The following IREB2 variants were observed in gnomAD, a reference collection of about 807,000 sequenced individuals.
The protein encoded by IREB2 is iron-responsive element-binding protein 2.
In IREB2, 39 loss-of-function variants were observed where a neutral mutation model predicts 118.8. The observed-to-expected ratio is 0.33, with a 90% CI of 0.25 to 0.43. The LOEUF (loss-of-function observed/expected upper bound fraction) is 0.43. Among genes scored for constraint, IREB2 ranks in the 20% least tolerant of loss-of-function variants. The probability of loss-of-function intolerance (pLI) is 1.00; values close to 1 mark genes in which losing one functional copy is unlikely to be tolerated. For synonymous variants in IREB2, 372 were observed against 392.2 expected, an observed-to-expected ratio of 0.95 and a Z score of 0.61; for missense variants, 900 against 1,147.3, an observed-to-expected ratio of 0.78 and a Z score of 3.11.
chr15:78,479,489 G>C (rs1596006672), intron 10 of IREB2, among the ~76,000 whole-genome samples: 1 of 148,398 alleles, frequency 6.7e-6, no homozygotes, highest in African/African-American at 2.5e-5. Flanking sequence ...CTCCTGCCTT[G>C]GCCTCTCAAA....
intron 18 of IREB2, among the ~76,000 whole-genome samples, chr15:78,491,955 A>T (rs961138584): frequency 1.3e-5 from 2 of 152,190 alleles, no homozygotes; most frequent in Admixed American, 6.5e-5. Context: ...AACAGTCAAC[A>T]CTTCTCTCAA....
chr15:78,482,748 CA>C (rs1271387366), intron 10 of IREB2, among the ~76,000 whole-genome samples: 1 of 145,782 alleles, frequency 6.9e-6, no homozygotes, highest in Admixed American at 7.3e-5. Context: ...CTTGGGAAAC[CA>C]GGTTTTTTTT....
At chr15:78,496,176 C>T (rs1401278294) in intron 20 of IREB2, among the ~76,000 whole-genome samples, 1 of 152,232 alleles carries the variant, frequency 6.6e-6, no homozygotes, top group Non-Finnish European at 1.5e-5. Flanking sequence ...TTCTAAATCA[C>T]TTACCTATCT....
chr15:78,492,980 A>G (rs2051776736), intron 18 of IREB2, among the ~76,000 whole-genome samples: 1 of 152,202 alleles, frequency 6.6e-6, no homozygotes, highest in Non-Finnish European at 1.5e-5. Context: ...ATCACTGGTA[A>G]CATTCCAGGA....
chr15:78,458,221 A>G (rs1303660322), intron 2 of IREB2, among the ~76,000 whole-genome samples: 1 of 152,196 alleles, frequency 6.6e-6, no homozygotes, highest in Non-Finnish European at 1.5e-5. Context: ...TTTGTGTGTG[A>G]AAAATTTCAA....
At chr15:78,488,503 A>G (rs2141519602) in intron 15 of IREB2, 144 bp from the exon 16 acceptor site, 1 of 957,768 alleles carries the variant, frequency 1.0e-6, no homozygotes, top group Non-Finnish European at 1.5e-6. Flanking sequence ...AATAAAATGT[A>G]CAGGTAATTA....
Position 78,439,863 on chromosome 15 carries a change from A to G in IREB2, c.88A>G (p.Lys30Glu). Residue 30 changes from lysine to glutamate, a missense_variant, in exon 2 of 22, where the codon AAA becomes GAA. Coordinates refer to ENST00000258886, the MANE Select transcript of IREB2 (RefSeq NM_004136.4). The part of the protein sequence containing the change: ...SSHKKFFDVS[K>E]LGTKYDVLPY... ...ACATAAGAAGTTCTTCGATGTATCT[A>G]AACTTGGCACCAAGTATGGTAATGT... 1.9e-6 allele frequency: 3 copies of G among 1,600,692 alleles called. No homozygotes were observed. The highest frequency in any genetic ancestry group is 2.6e-6 in the Non-Finnish European group (3 of 1,169,832).
chr15:78,498,384 C>A lies in IREB2; in HGVS notation c.*241C>A. 4.9e-6 allele frequency: 1 copy of A among 204,144 alleles called. No homozygotes were observed. The highest frequency in any genetic ancestry group is 8.6e-6 in the Non-Finnish European group (1 of 116,782). 12.6% of individuals were successfully genotyped at this position (204,144 alleles called of 1,614,324 possible). A position where few individuals can be genotyped will look rare whatever the true frequency, so the allele number is the denominator to read the frequency against. The stretch of plus-strand genomic sequence containing the variant: ...GTGTGAAGTGTGTTGTGGAAGAGAC[C>A]TGTAAGTATGGGGGGGGGGCGATAT... On this transcript the variant is annotated 3_prime_UTR_variant, in exon 22 of 22. Transcript: ENST00000258886.
At chr15:78,460,295 A>C (rs1441652768) in intron 2 of IREB2, among the ~76,000 whole-genome samples, 1 of 152,140 alleles carries the variant, frequency 6.6e-6, no homozygotes, top group Non-Finnish European at 1.5e-5. Context: ...ACTTTTGTCT[A>C]TTTGGTTACC....
At chr15:78,470,027 A>G (rs2051349286) in intron 5 of IREB2, among the ~76,000 whole-genome samples, 1 of 152,238 alleles carries the variant, frequency 6.6e-6, no homozygotes, top group Non-Finnish European at 1.5e-5. Flanking sequence ...ACTTATACAT[A>G]AAGTAGAGCC....
At chr15:78,476,078 C>A in intron 8 of IREB2, 110 bp from the exon 9 acceptor site, 3 of 676,044 alleles carry the variant, frequency 4.4e-6, no homozygotes, top group Non-Finnish European at 7.1e-6. Context: ...GGATCTCATT[C>A]CTTCACCATC....
At chr15:78,469,616 A>G (rs1259377672) in intron 5 of IREB2, among the ~76,000 whole-genome samples, 3 of 151,912 alleles carry the variant, frequency 2.0e-5, no homozygotes, top group African/African-American at 4.8e-5. Flanking sequence ...CCAGCTACTC[A>G]GGGGGCTGAG....
chr15:78,442,531 A>G (rs1252918891), intron 2 of IREB2, among the ~76,000 whole-genome samples: 1 of 152,218 alleles, frequency 6.6e-6, no homozygotes, highest in African/African-American at 2.4e-5. Context: ...AATGAAGGGA[A>G]TGGATTCTAT....
intron 13 of IREB2, 56 bp downstream of exon 13, chr15:78,485,896 CT>C: frequency 6.9e-7 from 1 of 1,443,370 alleles, no homozygotes; most frequent in Non-Finnish European, 9.5e-7. Flanking sequence ...GGTACTGAAG[CT>C]GCTTGTTTGT....
At chr15:78,448,758 T>A (rs531301805) in intron 2 of IREB2, among the ~76,000 whole-genome samples, 8 of 152,334 alleles carry the variant, frequency 5.3e-5, no homozygotes, top group African/African-American at 1.7e-4. Context: ...TCTGGTGTCC[T>A]AGCCCCCTTT....
intron 7 of IREB2, 31 bp from the exon 8 acceptor site, chr15:78,473,211 T>C: frequency 6.3e-7 from 1 of 1,597,594 alleles, no homozygotes; most frequent in Non-Finnish European, 8.6e-7. Context: ...TTAAATATAC[T>C]GTGCTAATAT....
intron 1 of IREB2, among the ~76,000 whole-genome samples, chr15:78,439,488 C>G (rs933903774): frequency 6.6e-6 from 1 of 152,126 alleles, no homozygotes; most frequent in African/African-American, 2.4e-5. Context: ...AGTGAATTAT[C>G]TTACTAGTTT....
intron 8 of IREB2, chr15:78,473,585 A>C: frequency 3.7e-6 from 2 of 535,296 alleles, no homozygotes; most frequent in Non-Finnish European, 3.3e-6. Context: ...TGTTGTGTTC[A>C]CTTATGTTAG....
intron 14 of IREB2, 98 bp downstream of exon 14, chr15:78,487,915 T>A: frequency 1.3e-6 from 1 of 790,076 alleles, no homozygotes; most frequent in Non-Finnish European, 2.0e-6. Context: ...TATATTTCTG[T>A]AAACTCTGCA....
Sources: allele counts gnomAD v4.1 joint callset (sites outside exome capture counted in the v4.1 genomes callset), GRCh38; gene constraint gnomAD v4.1.1; transcripts MANE v1.5; gene names NCBI Gene and HGNC (gene_info 2026-07-23, HGNC 2026-07-21).